The following UBE2G1 variants were observed in gnomAD, a reference collection of about 807,000 sequenced individuals.
UBE2G1 encodes ubiquitin-conjugating enzyme E2 G1.
UBE2G1 carries 5 observed loss-of-function variants against 22.7 expected under a neutral mutation model. The ratio of observed to expected loss-of-function variants is 0.22; its 90% CI spans 0.12 to 0.46. The LOEUF (loss-of-function observed/expected upper bound fraction) is 0.46, where lower values mean the gene tolerates loss of function less well. Ranked by LOEUF, UBE2G1 falls within the 20% of genes least tolerant of loss-of-function variation. The probability of loss-of-function intolerance (pLI) is 0.99; values close to 1 mark genes in which losing one functional copy is unlikely to be tolerated. For missense variants in UBE2G1, 88 were observed against 203.9 expected, an observed-to-expected ratio of 0.43 and a Z score of 3.46; for synonymous variants, 74 against 67.5, an observed-to-expected ratio of 1.10 and a Z score of -0.47.
At chr17:4,359,948 T>C (rs1216043685) in intron 1 of UBE2G1, among the ~76,000 whole-genome samples, 1 of 152,204 alleles carries the variant, frequency 6.6e-6, no homozygotes, top group Non-Finnish European at 1.5e-5. Context: ...GAATGTTTTA[T>C]TGTAACATTT....
intron 1 of UBE2G1, among the ~76,000 whole-genome samples, chr17:4,365,442 A>G (rs750444042): frequency 2.0e-5 from 3 of 152,094 alleles, no homozygotes; most frequent in African/African-American, 7.2e-5. Context: ...GGCCGGGACA[A>G]TGGGGGAGGG....
chr17:4,357,508 T>TGGGG, intron 1 of UBE2G1, among the ~76,000 whole-genome samples: 1 of 13,188 alleles, frequency 7.6e-5, no homozygotes, highest in South Asian at 4.2e-3. Context: ...TGTGTGTGTG[T>TGGGG]GGGGGGGGGG....
rs765313970 is a variant in UBE2G1, at chr17:4,296,678, CA to C, written c.247+38del. 7 of 1,580,830 alleles carry C rather than the reference CA, an allele frequency of 4.4e-6. No individual in the cohort carries two copies. In the South Asian group the frequency reaches 7.7e-5, roughly 17 times the overall value. On this transcript the variant is annotated intron_variant, in intron 3 of 5. Transcript: ENST00000396981. The stretch of plus-strand genomic sequence containing the variant: ...CTTGAACACTTCAATAACAGGCCAT[CA>C]AATCTGCAAATGTAAAAGTAAAACT...
chr17:4,361,870 A>C (rs1969972063), intron 1 of UBE2G1, among the ~76,000 whole-genome samples: 1 of 146,452 alleles, frequency 6.8e-6, no homozygotes, highest in Non-Finnish European at 1.5e-5. Flanking sequence ...TGAACCCGCG[A>C]GGCGGAGGTT....
At chr17:4,304,152 T>C (rs1251731044) in intron 2 of UBE2G1, among the ~76,000 whole-genome samples, 1 of 152,156 alleles carries the variant, frequency 6.6e-6, no homozygotes, top group Non-Finnish European at 1.5e-5. Flanking sequence ...TGCATCACCA[T>C]GCTTGACTTA....
chr17:4,278,552 A>G (rs982989356), intron 5 of UBE2G1, among the ~76,000 whole-genome samples: 11 of 150,202 alleles, frequency 7.3e-5, no homozygotes, highest in Non-Finnish European at 4.4e-5. Context: ...TGGACAAGCT[A>G]GCATACTATA....
At chr17:4,315,125 A>G (rs1969350970) in intron 1 of UBE2G1, among the ~76,000 whole-genome samples, 1 of 152,110 alleles carries the variant, frequency 6.6e-6, no homozygotes, top group Admixed American at 6.5e-5. Flanking sequence ...TCATGTTTAG[A>G]ATGTACTTCA....
chr17:4,274,261 G>A (rs576424717), intron 5 of UBE2G1, among the ~76,000 whole-genome samples: 107 of 146,310 alleles, frequency 7.3e-4, no homozygotes, highest in Admixed American at 1.7e-3. Context: ...GCAGTGGCGC[G>A]ATCTCGGCTC....
chr17:4,290,552 G>A (rs958211828), intron 3 of UBE2G1, among the ~76,000 whole-genome samples: 1 of 151,926 alleles, frequency 6.6e-6, no homozygotes, highest in Non-Finnish European at 1.5e-5. Flanking sequence ...GCTCTATGCA[G>A]CCTTGACCTC....
At position 4,349,379 on chromosome 17, in the gene UBE2G1, A is replaced by C. The variant is rs537733584; in HGVS notation, c.46+16892T>G. Among the ~76,000 whole-genome samples, 4 of 152,196 alleles carry C rather than the reference A, an allele frequency of 2.6e-5. No homozygotes were observed. In the East Asian group the frequency reaches 7.7e-4, roughly 29 times the overall value. ...ATGGAAAAATGTTAACAAATTTGGC[A>C]ATTACTTTGGATCACCTGCCGTCAT... On this transcript the variant is annotated intron_variant, in intron 1 of 5. Transcript: ENST00000396981.
At chr17:4,277,445 A>G (rs1260804833) in intron 5 of UBE2G1, among the ~76,000 whole-genome samples, 1 of 152,230 alleles carries the variant, frequency 6.6e-6, no homozygotes, top group Non-Finnish European at 1.5e-5. Context: ...TACACAAAGT[A>G]GCCATGGTTC....
chr17:4,273,611 G>C (rs1968785723), intron 5 of UBE2G1, among the ~76,000 whole-genome samples: 1 of 151,862 alleles, frequency 6.6e-6, no homozygotes, highest in Non-Finnish European at 1.5e-5. Context: ...CCAAAGTGTT[G>C]GGATTACAGG....
At chr17:4,302,105 C>T (rs773642895) in intron 2 of UBE2G1, 5 of 525,098 alleles carry the variant, frequency 9.5e-6, no homozygotes, top group Admixed American at 2.0e-5. Context: ...CCCTGTGGCT[C>T]ATATTTATCA....
intron 1 of UBE2G1, among the ~76,000 whole-genome samples, chr17:4,342,874 C>A (rs1191708726): frequency 2.0e-5 from 3 of 152,116 alleles, no homozygotes; most frequent in Non-Finnish European, 4.4e-5. Flanking sequence ...CCCTCCACAC[C>A]CTTTGCTGCT....
chr17:4,328,581 T>C (rs1228955204), intron 1 of UBE2G1, among the ~76,000 whole-genome samples: 2 of 152,202 alleles, frequency 1.3e-5, no homozygotes, highest in African/African-American at 4.8e-5. Context: ...TTAGCTTCTT[T>C]TGCATTCCTC....
At chr17:4,304,543 A>C (rs1969226232) in intron 2 of UBE2G1, among the ~76,000 whole-genome samples, 3 of 138,730 alleles carry the variant, frequency 2.2e-5, no homozygotes, top group South Asian at 5.1e-4. Flanking sequence ...CAACTATAGG[A>C]GTCTCAAAGT....
At chr17:4,357,878 C>A (rs2143828960) in intron 1 of UBE2G1, among the ~76,000 whole-genome samples, 1 of 152,052 alleles carries the variant, frequency 6.6e-6, no homozygotes, top group Non-Finnish European at 1.5e-5. Flanking sequence ...GACAGGAGGA[C>A]TGCTTGAGCC....
intron 1 of UBE2G1, among the ~76,000 whole-genome samples, chr17:4,331,333 T>C (rs1374401564): frequency 1.3e-5 from 2 of 152,126 alleles, no homozygotes; most frequent in African/African-American, 4.8e-5. Flanking sequence ...ATTTAAGTGG[T>C]TTACAACTAT....
chr17:4,348,367 A>C (rs921864889), intron 1 of UBE2G1, among the ~76,000 whole-genome samples: 10 of 145,116 alleles, frequency 6.9e-5, no homozygotes, highest in African/African-American at 2.1e-4. Context: ...TCCCGGCTAA[A>C]ACGGTGAAAC....
Sources: allele counts gnomAD v4.1 joint callset (sites outside exome capture counted in the v4.1 genomes callset), GRCh38; gene constraint gnomAD v4.1.1; transcripts MANE v1.5; gene names NCBI Gene and HGNC (gene_info 2026-07-23, HGNC 2026-07-21).